KLHL29: variants seen among roughly 807,000 people sequenced by gnomAD.
KLHL29 encodes kelch like family member 29.
In KLHL29, 21 loss-of-function variants were observed where a neutral mutation model predicts 80.4. That is an observed-to-expected ratio of 0.26 (90% confidence interval 0.19 to 0.38). KLHL29 has a LOEUF of 0.38. Ranked by LOEUF, KLHL29 falls within the 10% of genes least tolerant of loss-of-function variation. The pLI is 1.00. For missense variants in KLHL29, 867 were observed against 1,223.9 expected (o/e 0.71, Z 4.35); for synonymous variants, 511 against 526.8 (o/e 0.97, Z 0.41).
At chr2:23,620,844 G>C (rs780506545) in intron 3 of KLHL29, among the ~76,000 whole-genome samples, 11 of 152,240 alleles carry the variant, frequency 7.2e-5, no homozygotes, top group Non-Finnish European at 1.5e-4. Flanking sequence ...GCAGAGCCGG[G>C]TGTATAAACA....
At chr2:23,495,710 G>A (rs1011036803) in intron 2 of KLHL29, among the ~76,000 whole-genome samples, 2 of 152,188 alleles carry the variant, frequency 1.3e-5, no homozygotes, top group African/African-American at 4.8e-5. Context: ...TCGTGTCAGG[G>A]CCAGGGCTCC....
chr2:23,687,587 C>G (rs1017971755), intron 6 of KLHL29, among the ~76,000 whole-genome samples: 1 of 152,180 alleles, frequency 6.6e-6, no homozygotes, highest in African/African-American at 2.4e-5. Context: ...ACGCTGCAGA[C>G]AGGCAAGGAG....
chr2:23,579,339 C>T (rs1382335451), intron 3 of KLHL29, among the ~76,000 whole-genome samples: 1 of 152,200 alleles, frequency 6.6e-6, no homozygotes, highest in Non-Finnish European at 1.5e-5. Flanking sequence ...CTCTAACTCC[C>T]AGTTCTTTTC....
intron 3 of KLHL29, among the ~76,000 whole-genome samples, chr2:23,595,958 G>A (rs1421247614): frequency 6.6e-6 from 1 of 152,184 alleles, no homozygotes; most frequent in East Asian, 1.9e-4. Context: ...CTAGTCCTGG[G>A]CGGGCTTCTT....
At chr2:23,483,093 T>C (rs111477392) in intron 2 of KLHL29, among the ~76,000 whole-genome samples, 5 of 152,338 alleles carry the variant, frequency 3.3e-5, no homozygotes, top group African/African-American at 4.8e-5. Context: ...TTTACTTGAC[T>C]TAGTGAGCAT....
chr2:23,395,942 C>T (rs1326500774), intron 1 of KLHL29, among the ~76,000 whole-genome samples: 1 of 152,152 alleles, frequency 6.6e-6, no homozygotes, highest in Admixed American at 6.5e-5. Flanking sequence ...ATTTTCGTTC[C>T]TGACAGATTG....
chr2:23,690,475 CCCA>C (rs1671520380), intron 6 of KLHL29: 1 of 152,280 alleles, frequency 6.6e-6, no homozygotes, highest in South Asian at 2.1e-4. Context: ...CCTCGACAGC[CCCA>C]CCGCCAGCCG....
intron 5 of KLHL29, among the ~76,000 whole-genome samples, chr2:23,678,513 A>G (rs991343086): frequency 1.3e-5 from 2 of 152,210 alleles, no homozygotes; most frequent in African/African-American, 2.4e-5. Flanking sequence ...GTCCCAGATG[A>G]GACATTTAGA....
In KLHL29 at chr2:23,670,915, G is replaced by T. The variant is rs1444745216; in HGVS notation, c.941-13484G>T. 6.6e-4 allele frequency among the ~76,000 whole-genome samples: 18 copies of T among 27,070 alleles called. 1 individual carries two copies. In the East Asian group the frequency reaches 0.016, roughly 24 times the overall value. The allele number at this position is 27,070 out of a possible 152,430, so 17.8% of individuals were successfully genotyped here. A position where few individuals can be genotyped will look rare whatever the true frequency, so the allele number is the denominator to read the frequency against. On this transcript the variant is annotated intron_variant, in intron 5 of 13. Transcript: ENST00000486442. Reference sequence around the variant, plus strand: ...GGGAGGGGTCTCTACACACATGCACGCGCTCTCTCTCTCTCTCTCTCTCTC... The same window carrying T: ...GGGAGGGGTCTCTACACACATGCACTCGCTCTCTCTCTCTCTCTCTCTCTC...
intron 2 of KLHL29, among the ~76,000 whole-genome samples, chr2:23,512,466 A>C (rs1374415218): frequency 6.6e-6 from 1 of 152,012 alleles, no homozygotes. Flanking sequence ...AAAGATTGGG[A>C]TGATAAAAAT....
chr2:23,421,123 A>G (rs1177077688), intron 1 of KLHL29, among the ~76,000 whole-genome samples: 1 of 152,194 alleles, frequency 6.6e-6, no homozygotes, highest in Non-Finnish European at 1.5e-5. Context: ...AGTAGTGTAG[A>G]CAAGGCTCCA....
intron 6 of KLHL29, chr2:23,691,293 GGCAGGGCCGGGCTGGGAT>G: frequency 3.7e-6 from 1 of 272,232 alleles, no homozygotes; most frequent in Non-Finnish European, 7.1e-6. Flanking sequence ...ACCCAAGGCA[GGCAGGGCCGGGCTGGGAT>G]GCGTCGGCCT....
intron 1 of KLHL29, among the ~76,000 whole-genome samples, chr2:23,386,933 C>G (rs934319666): frequency 6.6e-6 from 1 of 152,126 alleles, no homozygotes; most frequent in African/African-American, 2.4e-5. Flanking sequence ...TGGGTCCACC[C>G]GCTGAGAAGC....
chr2:23,599,208 G>C (rs1224227125), intron 3 of KLHL29, among the ~76,000 whole-genome samples: 1 of 152,190 alleles, frequency 6.6e-6, no homozygotes, highest in Non-Finnish European at 1.5e-5. Flanking sequence ...CAAGATACGG[G>C]TTCAAGGCCC....
At chr2:23,389,300 T>A (rs1666262595) in intron 1 of KLHL29, among the ~76,000 whole-genome samples, 1 of 152,212 alleles carries the variant, frequency 6.6e-6, no homozygotes, top group African/African-American at 2.4e-5. Flanking sequence ...TTTCTAATGA[T>A]GCAATCCCAT....
intron 3 of KLHL29, among the ~76,000 whole-genome samples, chr2:23,614,761 G>C (rs1312017283): frequency 1.3e-5 from 2 of 152,154 alleles, no homozygotes; most frequent in African/African-American, 2.4e-5. Context: ...GAGGTCACTC[G>C]GGTCGCTGAT....
chr2:23,525,732 C>T (rs866826354), intron 2 of KLHL29, among the ~76,000 whole-genome samples: 5,153 of 66,688 alleles, frequency 0.077, 312 homozygotes, highest in African/African-American at 0.15. Flanking sequence ...CCCTGCCCCC[C>T]CCCCCCACCC....
chr2:23,406,535 G>A (rs945455567), intron 1 of KLHL29, among the ~76,000 whole-genome samples: 4 of 151,870 alleles, frequency 2.6e-5, no homozygotes, highest in African/African-American at 7.3e-5. Context: ...CATCACTTCC[G>A]GATGGCTTCA....
At chr2:23,624,446 G>T (rs914775008) in intron 3 of KLHL29, among the ~76,000 whole-genome samples, 1 of 152,020 alleles carries the variant, frequency 6.6e-6, no homozygotes, top group Non-Finnish European at 1.5e-5. Flanking sequence ...TTGCTTCTTC[G>T]TTGCCATTAT....
Sources: allele counts gnomAD v4.1 joint callset (sites outside exome capture counted in the v4.1 genomes callset), GRCh38; gene constraint gnomAD v4.1.1; transcripts MANE v1.5; gene names NCBI Gene and HGNC (gene_info 2026-07-23, HGNC 2026-07-21).